Variants in LATS2 observed in about 807,000 individuals in gnomAD.
LATS2 encodes the protein large tumor suppressor kinase 2, also known as serine/threonine-protein kinase LATS2.
Under a neutral mutation model 76.0 loss-of-function variants are expected in LATS2, and 24 were observed. The observed-to-expected ratio is 0.32, with a 90% CI of 0.23 to 0.44. The LOEUF is 0.44. Among genes scored for constraint, LATS2 ranks in the 20% least tolerant of loss-of-function variants. The pLI is 1.00. For synonymous variants in LATS2, 692 were observed against 635.4 expected (o/e 1.09, Z -1.34); for missense variants, 1,286 against 1,481.2 (o/e 0.87, Z 2.16).
chr13:21,048,845 AAAAAAT>A (rs374488676), intron 1 of LATS2, among the ~76,000 whole-genome samples: 8 of 151,986 alleles, frequency 5.3e-5, no homozygotes, highest in East Asian at 1.9e-4. Flanking sequence ...CTCAAAAAAT[AAAAAAT>A]AAAAATAAAA....
chr13:20,996,582 T>C (rs866458093), intron 2 of LATS2, among the ~76,000 whole-genome samples: 43 of 152,232 alleles, frequency 2.8e-4, no homozygotes, highest in African/African-American at 1.0e-3. Flanking sequence ...CGTTTTGCCA[T>C]GTTGGCCAGG....
In LATS2 at chr13:20,988,175, G is replaced by C. The variant is rs1357351148; in HGVS notation, c.1605C>G (p.Ser535Arg). The C allele has an allele frequency of 6.2e-7, 1 of 1,613,610 alleles. No individual in the cohort carries two copies. Among genetic ancestry groups the C allele is most frequent in the East Asian group, 2.2e-5 (1 of 44,892 alleles). Residue 535 changes from serine to arginine, a missense_variant, in exon 4 of 8, where the codon AGC becomes AGG. This residue lies in a region of LATS2 where 710 missense variants were observed against 660.9 expected (regional missense o/e 1.07). Transcript: ENST00000382592. ...RSKSEQYDLD[S>R]LCAGMEQSLR... The stretch of plus-strand genomic sequence containing the variant: ...GGCTCTGCTCCATGCCTGCGCACAG[G>C]CTGTCCAGGTCGTACTGCTCCGACT...
At chr13:21,017,113 C>G (rs1243318519) in intron 2 of LATS2, among the ~76,000 whole-genome samples, 1 of 152,194 alleles carries the variant, frequency 6.6e-6, no homozygotes, top group African/African-American at 2.4e-5. Context: ...GTGGTGGTTA[C>G]TGGAGGTGAC....
chr13:21,037,162 C>T (rs980453118), intron 2 of LATS2, among the ~76,000 whole-genome samples: 10 of 152,234 alleles, frequency 6.6e-5, no homozygotes, highest in African/African-American at 1.7e-4. Flanking sequence ...CTCAGCACTC[C>T]GGGAGGCCAA....
At position 20,974,816 on chromosome 13, in the gene LATS2, G is replaced by A. The variant is rs1297771457; in HGVS notation, c.*54C>T. 32 of 1,542,852 alleles carry A rather than the reference G, an allele frequency of 2.1e-5. No homozygotes were observed. The East Asian group carries it at 5.9e-4, about 28-fold the overall frequency. On this transcript the variant is annotated 3_prime_UTR_variant, in exon 8 of 8. Coordinates refer to ENST00000382592, the MANE Select transcript of LATS2 (RefSeq NM_014572.3). The stretch of plus-strand genomic sequence containing the variant: ...TCCCTATTGGCCTGTGAGGGCACCG[G>A]CTCCGGGACCCTGACCTGGGAGGCA...
chr13:20,989,706 G>A (rs1015666843), intron 3 of LATS2, among the ~76,000 whole-genome samples: 5 of 152,184 alleles, frequency 3.3e-5, no homozygotes, highest in African/African-American at 9.7e-5. Context: ...TGAGTTTACC[G>A]ACACACGGTT....
chr13:20,990,679 G>T (rs1408216771), intron 3 of LATS2, among the ~76,000 whole-genome samples: 2 of 151,964 alleles, frequency 1.3e-5, no homozygotes, highest in Non-Finnish European at 2.9e-5. Flanking sequence ...CACCCCAGGG[G>T]CCTCAGGTAC....
At chr13:21,009,323 G>C (rs1475258090) in intron 2 of LATS2, among the ~76,000 whole-genome samples, 2 of 152,066 alleles carry the variant, frequency 1.3e-5, no homozygotes, top group Non-Finnish European at 2.9e-5. Context: ...GCAAAGTGCT[G>C]AACAGCCATC....
chr13:20,982,660 C>G (rs1238051819), intron 5 of LATS2, among the ~76,000 whole-genome samples: 1 of 152,010 alleles, frequency 6.6e-6, no homozygotes, highest in African/African-American at 2.4e-5. Flanking sequence ...TGATGGTTCC[C>G]CACAAAGGCC....
At chr13:21,018,980 C>G (rs632084) in intron 2 of LATS2, among the ~76,000 whole-genome samples, 62,980 of 151,952 alleles carry the variant, frequency 0.41, 14,872 homozygotes, top group African/African-American at 0.63. Flanking sequence ...TTCCTTTCTA[C>G]TTTTCTGCAG....
Position 20,988,755 on chromosome 13 carries a change from C to T in LATS2, c.1025G>A (p.Ser342Asn). The part of the protein sequence containing the change: ...GSRSQVFASD[S>N]PPQSLLTPSR... The stretch of plus-strand genomic sequence containing the variant: ...GGGAGTGAGCAGGCTCTGCGGGGGG[C>T]TGTCGCTGGCGAACACCTGGCTGCG... Residue 342 changes from serine to asparagine, a missense_variant, in exon 4 of 8, where the codon AGC becomes AAC. This residue lies in a region of LATS2 where 710 missense variants were observed against 660.9 expected (regional missense o/e 1.07). Transcript: ENST00000382592. The T allele has an allele frequency of 6.3e-7, 1 of 1,578,734 alleles. No homozygotes were observed. The highest frequency in any genetic ancestry group is 8.6e-7 in the Non-Finnish European group (1 of 1,169,480).
In LATS2 at chr13:20,974,298, A is replaced by C. The variant is rs1251961767; in HGVS notation, c.*572T>G. ...ACTTCCTATTATACTAGATATGCAA[A>C]AAGCCAAAAAAAGCAGCTTTTAACA... On this transcript the variant is annotated 3_prime_UTR_variant, in exon 8 of 8. Transcript: ENST00000382592. The C allele has an allele frequency of 8.9e-6, 2 of 225,378 alleles. No homozygotes were observed. The highest frequency in any genetic ancestry group is 4.5e-5 in the African/African-American group (2 of 44,776). The allele number at this position is 225,378 out of a possible 1,614,324, so 14.0% of individuals were successfully genotyped here.
chr13:21,002,150 A>T (rs9579999), intron 2 of LATS2, among the ~76,000 whole-genome samples: 62,543 of 151,328 alleles, frequency 0.41, 14,755 homozygotes, highest in African/African-American at 0.63. Context: ...CCTGACCTCA[A>T]GATCCGCCCA....
chr13:21,004,029 CA>C (rs1186084621), intron 2 of LATS2, among the ~76,000 whole-genome samples: 1 of 152,218 alleles, frequency 6.6e-6, no homozygotes, highest in Non-Finnish European at 1.5e-5. Context: ...ATTACTAGGT[CA>C]AATCTCCCTG....
Position 20,989,227 on chromosome 13 carries a change from G to C in LATS2, c.553C>G (p.Gln185Glu), listed in dbSNP as rs1163238109. Reference protein sequence around the residue: ...GTGDSFASYHQLSGTPYEGPS... With the variant: ...GTGDSFASYHELSGTPYEGPS... ...CCCTCGTAGGGGGTACCGCTCAGCT[G>C]GTGGTAGGACGCAAACGAATCGCCG... The change falls in exon 4 of 8, where the codon CAG (glutamine) becomes GAG (glutamate). Residue 185 changes from glutamine to glutamate, a missense_variant. Physicochemically the swap from Gln to Glu is conservative, Grantham distance 29. Coordinates refer to ENST00000382592, the MANE Select transcript of LATS2 (RefSeq NM_014572.3). The C allele has an allele frequency of 6.2e-7, 1 of 1,613,966 alleles. No individual in the cohort carries two copies. The highest frequency in any genetic ancestry group is 8.5e-7 in the Non-Finnish European group (1 of 1,180,024).
At position 20,973,380 on chromosome 13, in the gene LATS2, G is replaced by A. The variant is rs1021492325; in HGVS notation, c.*1490C>T. 8.6e-6 allele frequency: 2 copies of A among 231,430 alleles called. No homozygotes were observed. The highest frequency in any genetic ancestry group is 1.3e-3 in the Middle Eastern group (1 of 766). 14.3% of individuals were successfully genotyped at this position (231,430 alleles called of 1,614,324 possible). ...TGCTAAGAACTTCAAGGAAAAATAT[G>A]TGGAATAATATAATGAAAATTATGA... On this transcript the variant is annotated 3_prime_UTR_variant, in exon 8 of 8. Transcript: ENST00000382592.
intron 2 of LATS2, among the ~76,000 whole-genome samples, chr13:21,035,720 T>C (rs1555227177): frequency 6.6e-6 from 1 of 152,230 alleles, no homozygotes; most frequent in Non-Finnish European, 1.5e-5. Flanking sequence ...ATATCTGTAC[T>C]GCACACTGGG....
intron 2 of LATS2, among the ~76,000 whole-genome samples, chr13:21,037,589 G>A (rs1279700696): frequency 6.6e-6 from 1 of 152,144 alleles, no homozygotes; most frequent in Non-Finnish European, 1.5e-5. Flanking sequence ...TCTACAAAGG[G>A]AGACGCACAA....
At chr13:21,001,438 G>C (rs1871036496) in intron 2 of LATS2, among the ~76,000 whole-genome samples, 1 of 152,176 alleles carries the variant, frequency 6.6e-6, no homozygotes, top group African/African-American at 2.4e-5. Flanking sequence ...ATATTGGCTG[G>C]CCTGTGATTT....
Sources: gnomAD v4.1 joint callset for allele counts (sites outside exome capture counted in the v4.1 genomes callset) on GRCh38, gnomAD v4.1.1 for gene constraint, gnomAD v4.1.1 regional missense constraint, MANE v1.5 for transcripts, NCBI Gene and HGNC (gene_info 2026-07-23, HGNC 2026-07-21) for gene names.